Variants in OPCML observed in about 807,000 individuals in gnomAD.
OPCML encodes the protein opioid-binding protein/cell adhesion molecule.
In OPCML, 13 loss-of-function variants were observed where a neutral mutation model predicts 37.8. The ratio of observed to expected loss-of-function variants is 0.34; its 90% CI spans 0.22 to 0.55. OPCML has a LOEUF of 0.55. OPCML is among the 20% of genes least tolerant of loss of function. The probability of loss-of-function intolerance (pLI) is 0.91; values close to 1 mark genes in which losing one functional copy is unlikely to be tolerated. For missense variants in OPCML, 341 were observed against 435.6 expected (o/e 0.78, Z 1.93); for synonymous variants, 176 against 168.8 (o/e 1.04, Z -0.33).
intron 1 of OPCML, among the ~76,000 whole-genome samples, chr11:133,508,782 G>A (rs1382392585): frequency 6.6e-6 from 1 of 151,994 alleles, no homozygotes; most frequent in East Asian, 1.9e-4. Flanking sequence ...AGCTGGGTGC[G>A]CACCAAACAG....
intron 1 of OPCML, among the ~76,000 whole-genome samples, chr11:133,219,262 G>A (rs555036691): frequency 6.6e-6 from 1 of 152,280 alleles, no homozygotes; most frequent in African/African-American, 2.4e-5. Flanking sequence ...TAGTCTTAGG[G>A]TTCTTGAAGT....
chr11:132,449,851 C>G (rs1205214994), intron 4 of OPCML, among the ~76,000 whole-genome samples: 2 of 152,204 alleles, frequency 1.3e-5, no homozygotes, highest in African/African-American at 2.4e-5. Context: ...AGCCACTGCT[C>G]TTTCCTGGCT....
intron 1 of OPCML, among the ~76,000 whole-genome samples, chr11:133,050,816 A>G (rs1049536214): frequency 2.0e-5 from 3 of 151,990 alleles, no homozygotes; most frequent in Admixed American, 6.6e-5. Context: ...AGAAGCTCTA[A>G]ATCAATCTAT....
chr11:132,607,091 C>T (rs1938350398), intron 3 of OPCML, among the ~76,000 whole-genome samples: 1 of 152,200 alleles, frequency 6.6e-6, no homozygotes, highest in African/African-American at 2.4e-5. Flanking sequence ...GTGAAGTTAC[C>T]AGCACCAGCA....
At chr11:133,180,862 A>G (rs1015480849) in intron 1 of OPCML, among the ~76,000 whole-genome samples, 13 of 143,214 alleles carry the variant, frequency 9.1e-5, no homozygotes, top group Non-Finnish European at 1.5e-4. Flanking sequence ...AAAAGTGGGG[A>G]TGAGGGAAAG....
intron 2 of OPCML, among the ~76,000 whole-genome samples, chr11:132,852,100 C>A (rs1056156144): frequency 6.6e-6 from 1 of 152,146 alleles, no homozygotes; most frequent in Admixed American, 6.5e-5. Context: ...GACGGGCAGT[C>A]GAGGCGAGAA....
At chr11:133,035,494 C>T (rs1432850902) in intron 1 of OPCML, among the ~76,000 whole-genome samples, 1 of 152,106 alleles carries the variant, frequency 6.6e-6, no homozygotes, top group East Asian at 1.9e-4. Flanking sequence ...GAAATTGAGC[C>T]AGAACAGATC....
intron 1 of OPCML, among the ~76,000 whole-genome samples, chr11:133,031,420 T>G (rs953858512): frequency 6.7e-6 from 1 of 149,040 alleles, no homozygotes; most frequent in African/African-American, 2.5e-5. Flanking sequence ...AATGGATGGA[T>G]GGATGGTTGG....
intron 1 of OPCML, among the ~76,000 whole-genome samples, chr11:133,013,871 CAGAATATGA>C (rs1947267203): frequency 2.0e-5 from 3 of 152,280 alleles, no homozygotes; most frequent in Middle Eastern, 6.8e-3. Flanking sequence ...TTTGCCACCT[CAGAATATGA>C]AGAATTGTTG....
chr11:132,669,479 T>A (rs1466145611), intron 2 of OPCML, among the ~76,000 whole-genome samples: 1 of 152,128 alleles, frequency 6.6e-6, no homozygotes, highest in East Asian at 1.9e-4. Flanking sequence ...AGTGAAGCAG[T>A]TTTTTGGAGT....
chr11:133,085,748 G>T (rs1027789890), intron 1 of OPCML, among the ~76,000 whole-genome samples: 1 of 152,226 alleles, frequency 6.6e-6, no homozygotes. Context: ...GAATTTTGAC[G>T]AAGGTCTAAA....
intron 1 of OPCML, among the ~76,000 whole-genome samples, chr11:133,200,027 C>T (rs182341184): frequency 3.3e-5 from 5 of 152,308 alleles, no homozygotes; most frequent in African/African-American, 9.6e-5. Context: ...GTCCTGCACA[C>T]GTCCCGCCCT....
intron 1 of OPCML, among the ~76,000 whole-genome samples, chr11:133,074,107 T>C (rs1948586229): frequency 6.6e-6 from 1 of 152,248 alleles, no homozygotes; most frequent in Admixed American, 6.5e-5. Flanking sequence ...TACAGAGCCC[T>C]TGGGGCCATA....
intron 1 of OPCML, among the ~76,000 whole-genome samples, chr11:133,403,589 G>A (rs542301633): frequency 1.3e-5 from 2 of 152,130 alleles, no homozygotes; most frequent in South Asian, 2.1e-4. Flanking sequence ...TCTGTCTCAT[G>A]GTAACCTCTT....
chr11:132,553,267 A>G (rs1041983292), intron 3 of OPCML, among the ~76,000 whole-genome samples: 5 of 152,226 alleles, frequency 3.3e-5, no homozygotes, highest in African/African-American at 1.2e-4. Flanking sequence ...TAACAGATGG[A>G]TCGTGGCTTA....
rs59843718 is a variant in OPCML, at chr11:133,314,232, C to CAA, written c.61+218030_61+218031dup. On this transcript the variant is annotated intron_variant, in intron 1 of 7. Transcript: ENST00000524381. ...CCTGGGCTACAGCGAGACTCCGTCTCAAAAAAAAAAAAAAAAAAAAAAAAA... is the reference window on the plus strand; with the variant it reads ...CCTGGGCTACAGCGAGACTCCGTCTCAAAAAAAAAAAAAAAAAAAAAAAAAAA... 2.5e-3 allele frequency among the ~76,000 whole-genome samples: 122 copies of CAA among 49,786 alleles called. 8 individuals are homozygous for CAA. The highest frequency in any genetic ancestry group is 4.7e-3 in the African/African-American group (62 of 13,250). 32.7% of individuals were successfully genotyped at this position (49,786 alleles called of 152,430 possible).
intron 1 of OPCML, among the ~76,000 whole-genome samples, chr11:133,077,155 G>T (rs184170543): frequency 1.0e-3 from 153 of 152,104 alleles, no homozygotes; most frequent in Non-Finnish European, 1.9e-3. Flanking sequence ...TTTGCTTATG[G>T]CTCTGTGAGC....
chr11:132,942,392 C>T (rs1945608187), intron 2 of OPCML, among the ~76,000 whole-genome samples: 2 of 152,108 alleles, frequency 1.3e-5, no homozygotes, highest in Admixed American at 1.3e-4. Context: ...ACAATAGGGA[C>T]CCTAGGAGCA....
intron 1 of OPCML, among the ~76,000 whole-genome samples, chr11:133,441,784 A>G (rs2136940419): frequency 6.6e-6 from 1 of 152,334 alleles, no homozygotes; most frequent in Non-Finnish European, 1.5e-5. Context: ...AGTATCTTTG[A>G]AAGATATTTT....
Sources: allele counts gnomAD v4.1 joint callset (sites outside exome capture counted in the v4.1 genomes callset), GRCh38; gene constraint gnomAD v4.1.1; transcripts MANE v1.5; gene names NCBI Gene and HGNC (gene_info 2026-07-23, HGNC 2026-07-21).